The following WDR11 variants were observed in gnomAD, a reference collection of about 807,000 sequenced individuals.
WDR11 encodes the protein WD repeat-containing protein 11.
In WDR11, 83 loss-of-function variants were observed where a neutral mutation model predicts 151.2. The observed-to-expected ratio is 0.55, with a 90% CI of 0.46 to 0.66. The LOEUF (loss-of-function observed/expected upper bound fraction) is 0.66. Among genes scored for constraint, WDR11 ranks in the 30% least tolerant of loss-of-function variants. The probability of loss-of-function intolerance (pLI) is 0.00; values close to 1 mark genes in which losing one functional copy is unlikely to be tolerated. For missense variants in WDR11, 1,301 were observed against 1,480.9 expected, an observed-to-expected ratio of 0.88 and a Z score of 1.99; for synonymous variants, 484 against 533.1, an observed-to-expected ratio of 0.91 and a Z score of 1.27.
intron 1 of WDR11, chr10:120,852,017 C>G (rs1445575167): frequency 1.9e-5 from 2 of 104,074 alleles, no homozygotes; most frequent in African/African-American, 3.5e-5. Flanking sequence ...CTTTATTACT[C>G]TCTCCTTTCA....
intron 28 of WDR11, chr10:120,908,130 C>CCAA (rs1238051047): frequency 7.7e-5 from 16 of 207,802 alleles, no homozygotes; most frequent in Non-Finnish European, 1.6e-4. Flanking sequence ...TTCTAAAAAC[C>CCAA]CAACAACCAG....
chr10:120,894,408 C>G (rs994434743), intron 19 of WDR11, among the ~76,000 whole-genome samples: 5 of 152,178 alleles, frequency 3.3e-5, no homozygotes. Context: ...TCAGAAATGT[C>G]TCACAATGAC....
At chr10:120,890,930 C>T (rs758184260) in intron 19 of WDR11, 43 bp downstream of exon 19, 1 of 1,596,268 alleles carries the variant, frequency 6.3e-7, no homozygotes, top group Middle Eastern at 1.7e-4. Flanking sequence ...CCTGTCTTTA[C>T]TTTGCCACAA....
intron 2 of WDR11, among the ~76,000 whole-genome samples, chr10:120,856,380 G>C (rs1030004849): frequency 1.3e-5 from 2 of 151,916 alleles, no homozygotes; most frequent in Non-Finnish European, 2.9e-5. Context: ...TTTGAGACTA[G>C]CCTGGCCAAC....
chr10:120,899,769 C>T (rs935730644), intron 19 of WDR11: 11 of 454,480 alleles, frequency 2.4e-5, no homozygotes, highest in East Asian at 4.3e-5. Flanking sequence ...GGTGACAGAG[C>T]GAGGCTTTGT....
In WDR11 at chr10:120,903,237, TC is replaced by T. The variant is rs1194539424; in HGVS notation, c.2931+6del. On this transcript the variant is annotated splice_donor_region_variant and intron_variant, in intron 23 of 28. Coordinates refer to ENST00000263461, the MANE Select transcript of WDR11 (RefSeq NM_018117.12). ...TGTGAAAATGCCTACTTTCAGGTAG[TC>T]TGCTTCACACAGCAAAACCTTTAGA... 1 of 1,614,168 alleles carries T rather than the reference TC, an allele frequency of 6.2e-7. No individual in the cohort carries two copies.
At chr10:120,903,992 ATAAT>A in intron 23 of WDR11, 51 bp from the exon 24 acceptor site, 1 of 1,233,096 alleles carries the variant, frequency 8.1e-7, no homozygotes, top group Non-Finnish European at 1.2e-6. Context: ...TAAAATTTAA[ATAAT>A]TCCAAACTCT....
In WDR11 at chr10:120,852,469, AAG is replaced by A. The variant is rs1845814058; in HGVS notation, c.87-53_87-52del. 77 of 1,475,234 alleles carry A rather than the reference AAG, an allele frequency of 5.2e-5. No homozygotes were observed. In the South Asian group the frequency reaches 8.4e-4, roughly 16 times the overall value. The allele number at this position is 1,475,234 out of a possible 1,614,324, so 91.4% of individuals were successfully genotyped here. On this transcript the variant is annotated intron_variant, in intron 1 of 28. Coordinates refer to ENST00000263461, the MANE Select transcript of WDR11 (RefSeq NM_018117.12). ...TATCATTTATTTAGGCTTGGCAAGAAAGAAGTCGTCCTGCTTTGTTCTGTACT... is the reference window on the plus strand; with the variant it reads ...TATCATTTATTTAGGCTTGGCAAGAAAAGTCGTCCTGCTTTGTTCTGTACT...
At chr10:120,891,797 CTTAG>C (rs1036405223) in intron 19 of WDR11, among the ~76,000 whole-genome samples, 3 of 152,172 alleles carry the variant, frequency 2.0e-5, no homozygotes, top group Non-Finnish European at 2.9e-5. Context: ...CTGCCTTTAA[CTTAG>C]TTAGGTATGC....
chr10:120,874,612 A>C (rs909969387), intron 11 of WDR11, among the ~76,000 whole-genome samples: 6 of 151,400 alleles, frequency 4.0e-5, no homozygotes, highest in African/African-American at 1.2e-4. Flanking sequence ...CCCTGTGTCC[A>C]TGTGTTCTCA....
At position 120,878,405 on chromosome 10, in the gene WDR11, C is replaced by T. The variant is rs774125397; in HGVS notation, c.1609C>T (p.Pro537Ser). 10 of 1,613,138 alleles carry T rather than the reference C, an allele frequency of 6.2e-6. No homozygotes were observed. In the Admixed American group the frequency reaches 1.7e-4, roughly 27 times the overall value. The change falls in exon 12 of 29, where the codon CCA becomes TCA. Residue 537 changes from proline (P) to serine (S), a missense_variant. Around this residue, in one of 3 missense-constraint regions of WDR11, gnomAD observed 692 missense variants for 762.5 expected, o/e 0.91. Transcript: ENST00000263461. Reference sequence around the variant, plus strand: ...TTTTCTTTCTTTTGCTACCTCAACACCAAACAATATGGGATTAGTGAGAAA... The same window carrying T: ...TTTTCTTTCTTTTGCTACCTCAACATCAAACAATATGGGATTAGTGAGAAA... ...TSFLSFATST[P>S]NNMGLVRNEL... is the part of the protein sequence containing the mutation.
Position 120,880,876 on chromosome 10 carries a change from G to A in WDR11, c.1714G>A (p.Glu572Lys), listed in dbSNP as rs530586091. ...GERGNDESAIEMIKVSHLKQY... is the reference protein window; with the variant it reads ...GERGNDESAIKMIKVSHLKQY... ...AAGAGGCAATGATGAATCTGCCATC[G>A]AAATGATTAAAGTATCTCATTTGAA... Residue 572 changes from glutamate to lysine, a missense_variant, in exon 13 of 29, where the codon GAA (glutamate) becomes AAA (lysine). Coordinates refer to ENST00000263461, the MANE Select transcript of WDR11 (RefSeq NM_018117.12). 1.2e-5 allele frequency: 19 copies of A among 1,602,902 alleles called. No individual in the cohort carries two copies. The highest frequency in any genetic ancestry group is 4.5e-5 in the South Asian group (4 of 89,560).
chr10:120,897,572 T>A (rs1847657088), intron 19 of WDR11, among the ~76,000 whole-genome samples: 2 of 152,310 alleles, frequency 1.3e-5, no homozygotes, highest in Admixed American at 1.3e-4. Flanking sequence ...CATCCTTTGT[T>A]CAGACTCTGT....
At chr10:120,858,244 T>C (rs1846020342) in intron 2 of WDR11, among the ~76,000 whole-genome samples, 1 of 152,194 alleles carries the variant, frequency 6.6e-6, no homozygotes, top group African/African-American at 2.4e-5. Flanking sequence ...TTTTTGTGTT[T>C]CTAAGTTGTC....
chr10:120,862,697 A>G lies in WDR11; in HGVS notation c.527-38A>G, dbSNP rs185552700. 49 of 1,603,850 alleles carry G rather than the reference A, an allele frequency of 3.1e-5. No homozygotes were observed. The East Asian group carries it at 1.0e-3, about 33-fold the overall frequency. ...GGAATAAAACTGTATGCTAAACTTC[A>G]TTAAACTTTAATCAGAGTTTTGCTT... On this transcript the variant is annotated intron_variant, in intron 4 of 28. Coordinates refer to ENST00000263461, the MANE Select transcript of WDR11 (RefSeq NM_018117.12).
At chr10:120,907,284 C>T (rs1197323399) in intron 28 of WDR11, 1 of 236,006 alleles carries the variant, frequency 4.2e-6, no homozygotes, top group Non-Finnish European at 8.5e-6. Flanking sequence ...TCACGATCAC[C>T]TCTAGTGACA....
chr10:120,885,229 A>G (rs1847174726), intron 14 of WDR11: 1 of 153,472 alleles, frequency 6.5e-6, no homozygotes, highest in Non-Finnish European at 1.4e-5. Context: ...AACAGGAGGA[A>G]GAGGACTTAA....
intron 23 of WDR11, among the ~76,000 whole-genome samples, chr10:120,903,560 A>T (rs564181030): frequency 2.5e-5 from 3 of 122,406 alleles, no homozygotes; most frequent in African/African-American, 1.1e-4. Context: ...CATTTGCATT[A>T]AAAAAAAAGC....
At chr10:120,866,491 G>A in intron 7 of WDR11, 78 bp from the exon 8 acceptor site, 1 of 1,549,710 alleles carries the variant, frequency 6.5e-7, no homozygotes, top group Non-Finnish European at 8.9e-7. Context: ...ATTTAGTTGA[G>A]GTTTTATTTA....
Sources: allele counts gnomAD v4.1 joint callset (sites outside exome capture counted in the v4.1 genomes callset), GRCh38; gene constraint gnomAD v4.1.1; regional missense constraint gnomAD v4.1.1; transcripts MANE v1.5; gene names NCBI Gene and HGNC (gene_info 2026-07-23, HGNC 2026-07-21).